Variants in DNAH9 observed in about 807,000 individuals in gnomAD.
DNAH9 encodes the protein DNAH9 variant protein.
A neutral mutation model predicts 471.6 loss-of-function variants in DNAH9; 345 were observed. The observed-to-expected ratio is 0.73, with a 90% confidence interval of 0.67 to 0.80. DNAH9 has a LOEUF of 0.80. DNAH9 is among the 30% of genes least tolerant of loss of function. The pLI is 0.00. For synonymous variants in DNAH9, 2,093 were observed against 2,123.6 expected (o/e 0.99, Z 0.40); for missense variants, 5,407 against 5,609.2 (o/e 0.96, Z 1.15).
chr17:11,679,006 T>C (rs1031126064), intron 17 of DNAH9, among the ~76,000 whole-genome samples: 7 of 152,224 alleles, frequency 4.6e-5, no homozygotes, highest in African/African-American at 1.7e-4. Flanking sequence ...TGTTGAAATT[T>C]AAATTATAAT....
intron 49 of DNAH9, among the ~76,000 whole-genome samples, chr17:11,846,273 T>C (rs1971221333): frequency 6.9e-6 from 1 of 144,006 alleles, no homozygotes; most frequent in Non-Finnish European, 1.5e-5. Context: ...CTTTCCCCAT[T>C]GCTTGTTTTT....
At chr17:11,941,639 C>A (rs1414473489) in intron 66 of DNAH9, among the ~76,000 whole-genome samples, 1 of 151,746 alleles carries the variant, frequency 6.6e-6, no homozygotes, top group Non-Finnish European at 1.5e-5. Context: ...TTCCAGAACT[C>A]AAGGATAGAA....
intron 45 of DNAH9, among the ~76,000 whole-genome samples, chr17:11,815,411 A>G (rs576470718): frequency 1.3e-5 from 2 of 152,190 alleles, no homozygotes; most frequent in African/African-American, 4.8e-5. Context: ...ACAAACGCCA[A>G]CACTCCTTAA....
Position 11,875,098 on chromosome 17 carries a change from C to T in DNAH9, c.10392C>T (p.Leu3464=). ...TCATCAACTGTGAGCGCTGGCCACT[C>T]ATGGTTGACCCTCAGCTACAAGGCA... ...TILINCERWP[L]MVDPQLQGIK... is the part of the protein sequence containing the mutation. The change falls in exon 53 of 69, where the codon CTC becomes CTT. Residue 3464 remains leucine (L), a synonymous_variant. Coordinates refer to ENST00000262442, the MANE Select transcript of DNAH9 (RefSeq NM_001372.4). 6.2e-7 allele frequency: 1 copy of T among 1,614,174 alleles called. No homozygotes were observed.
chr17:11,821,382 C>T (rs911556033), intron 45 of DNAH9, among the ~76,000 whole-genome samples: 12 of 151,924 alleles, frequency 7.9e-5, no homozygotes, highest in Admixed American at 4.6e-4. Flanking sequence ...AATCTTTTCC[C>T]GGTTGATTTA....
At chr17:11,871,822 C>T in intron 52 of DNAH9, 36 bp downstream of exon 52, 1 of 1,601,326 alleles carries the variant, frequency 6.2e-7, no homozygotes, top group South Asian at 1.1e-5. Context: ...ACCACATCAG[C>T]CTCTGGGCAC....
rs372879583 is a variant in DNAH9 at position 11,698,504 on chromosome 17, T to C, written c.4873-1227T>C. ...GTTATTTTTAATTTGCATTTGTTTT[T>C]CAATAAAGAAAGGTCTATCTTGGTA... On this transcript the variant is annotated intron_variant, in intron 22 of 68. Transcript: ENST00000262442. 1.4e-3 allele frequency among the ~76,000 whole-genome samples: 212 copies of C among 151,556 alleles called. 4 individuals carry two copies. In the South Asian group the frequency reaches 0.014, roughly 10 times the overall value.
intron 63 of DNAH9, among the ~76,000 whole-genome samples, chr17:11,931,496 C>G (rs112552564): frequency 5.4e-4 from 82 of 152,236 alleles, no homozygotes; most frequent in African/African-American, 1.9e-3. Context: ...GTGTAGGAGT[C>G]CAGCAGCCCA....
chr17:11,598,943 GC>G, intron 1 of DNAH9, 28 bp downstream of exon 1: 1 of 1,435,154 alleles, frequency 7.0e-7, no homozygotes, highest in Non-Finnish European at 9.1e-7. Context: ...TCCCCGCGCG[GC>G]TAAAGCTGGG....
chr17:11,770,519 C>T (rs1968163259), intron 38 of DNAH9, among the ~76,000 whole-genome samples: 1 of 152,160 alleles, frequency 6.6e-6, no homozygotes, highest in Admixed American at 6.5e-5. Flanking sequence ...GAGATTCCGG[C>T]TTCCCCCCAC....
At chr17:11,735,417 T>C (rs1325193816) in intron 28 of DNAH9, among the ~76,000 whole-genome samples, 2 of 152,060 alleles carry the variant, frequency 1.3e-5, no homozygotes, top group African/African-American at 4.8e-5. Context: ...CCATTTTTTT[T>C]TGTTTTGTTT....
At chr17:11,605,621 T>A (rs916816694) in intron 1 of DNAH9, among the ~76,000 whole-genome samples, 2 of 151,708 alleles carry the variant, frequency 1.3e-5, no homozygotes, top group Non-Finnish European at 2.9e-5. Context: ...CACCTCAGCC[T>A]CCTTAGTAAC....
intron 49 of DNAH9, among the ~76,000 whole-genome samples, chr17:11,839,956 G>C (rs952142785): frequency 6.6e-6 from 1 of 152,200 alleles, no homozygotes; most frequent in African/African-American, 2.4e-5. Context: ...CTTGTGCACT[G>C]TTGGTGAGGA....
At chr17:11,622,887 C>A (rs2072896823) in intron 6 of DNAH9, among the ~76,000 whole-genome samples, 1 of 152,054 alleles carries the variant, frequency 6.6e-6, no homozygotes, top group South Asian at 2.1e-4. Context: ...CTCTCATTCT[C>A]TTACGTGTCG....
chr17:11,768,724 C>A, intron 37 of DNAH9, 98 bp downstream of exon 37: 2 of 1,438,718 alleles, frequency 1.4e-6, no homozygotes, highest in Non-Finnish European at 1.9e-6. Context: ...GAGCATTTGT[C>A]CTTGCTAGGA....
intron 64 of DNAH9, among the ~76,000 whole-genome samples, chr17:11,933,632 G>A (rs896086410): frequency 2.0e-5 from 3 of 152,004 alleles, no homozygotes; most frequent in East Asian, 1.9e-4. Context: ...CACCCGCCTC[G>A]GCCTCCCAAA....
chr17:11,646,626 G>A (rs984531928), intron 11 of DNAH9, among the ~76,000 whole-genome samples: 1 of 152,114 alleles, frequency 6.6e-6, no homozygotes, highest in Admixed American at 6.5e-5. Flanking sequence ...AGAAATCTGT[G>A]GCTATGGCCG....
intron 41 of DNAH9, among the ~76,000 whole-genome samples, chr17:11,785,294 T>TAAAA (rs1279454767): frequency 6.6e-6 from 1 of 152,066 alleles, no homozygotes; most frequent in Non-Finnish European, 1.5e-5. Context: ...TCCCCCAAGA[T>TAAAA]AATACTGGGT....
chr17:11,827,131 C>T (rs1474318188), intron 48 of DNAH9, among the ~76,000 whole-genome samples: 1 of 152,034 alleles, frequency 6.6e-6, no homozygotes, highest in Non-Finnish European at 1.5e-5. Flanking sequence ...GGCCGAGTCC[C>T]TACTTTCAAC....
Sources: allele counts gnomAD v4.1 joint callset (sites outside exome capture counted in the v4.1 genomes callset), GRCh38; gene constraint gnomAD v4.1.1; transcripts MANE v1.5; gene names NCBI Gene and HGNC (gene_info 2026-07-23, HGNC 2026-07-21).